The following FAM83G variants were observed in gnomAD, a reference collection of about 807,000 sequenced individuals.
FAM83G encodes scaffolding CK1 anchoring protein G.
FAM83G carries 38 observed loss-of-function variants against 61.5 expected under a neutral mutation model. The ratio of observed to expected loss-of-function variants is 0.62; its 90% confidence interval spans 0.48 to 0.81. The LOEUF (loss-of-function observed/expected upper bound fraction) is 0.81, where lower values mean the gene tolerates loss of function less well. FAM83G is among the 30% of genes least tolerant of loss of function. FAM83G has a pLI of 0.00. For synonymous variants in FAM83G, 470 were observed against 476.1 expected, an observed-to-expected ratio of 0.99 and a Z score of 0.17; for missense variants, 989 against 1,133.6, an observed-to-expected ratio of 0.87 and a Z score of 1.83.
intron 4 of FAM83G, chr17:18,979,338 T>G: frequency 1.6e-6 from 1 of 642,310 alleles, no homozygotes; most frequent in South Asian, 2.1e-5. Context: ...GCCGGTGACA[T>G]CTCCAAGCTG....
chr17:19,003,490 A>T lies in FAM83G; in HGVS notation c.522+30T>A, dbSNP rs769778261. ...GAGGGGTCCGGTGGCTGGTTGGGCC[A>T]TGGCTCCAGGAGTCCCCGCGCTGCC... is the stretch of plus-strand genomic sequence containing the variant. On this transcript the variant is annotated intron_variant, in intron 2 of 5. Coordinates refer to ENST00000388995, the MANE Select transcript of FAM83G (RefSeq NM_001039999.3). The surrounding 1 kb of genome is among the most constrained non-coding windows in gnomAD (Gnocchi z 4.5). The T allele has an allele frequency of 4.7e-6, 7 of 1,505,166 alleles. No homozygotes were observed. The African/African-American group carries it at 9.8e-5, about 21-fold the overall frequency. The allele number at this position is 1,505,166 out of a possible 1,614,324, so 93.2% of individuals were successfully genotyped here. A position where few individuals can be genotyped will look rare whatever the true frequency, so the allele number is the denominator to read the frequency against.
At position 18,978,409 on chromosome 17, in the gene FAM83G, C is replaced by T. The variant is rs759325072; in HGVS notation, c.1257G>A (p.Pro419=). 101 of 1,591,186 alleles carry T rather than the reference C, an allele frequency of 6.3e-5. No homozygotes were observed. Among genetic ancestry groups the T allele is most frequent in the Middle Eastern group, 1.7e-4 (1 of 6,052 alleles). The change falls in exon 5 of 6, where the codon CCG becomes CCA. Residue 419 remains proline, a synonymous_variant. Transcript: ENST00000388995. The stretch of plus-strand genomic sequence containing the variant: ...AGCCCAGGATGTCGCTGCCAGGCTC[C>T]GGGTCTGGCTCCACCCACGTGGGCA... ...EYLPTWVEPD[P]EPGSDILGYI...
intron 3 of FAM83G, among the ~76,000 whole-genome samples, chr17:18,986,778 G>A (rs560310448): frequency 5.9e-5 from 9 of 152,346 alleles, no homozygotes; most frequent in Non-Finnish European, 1.0e-4. Flanking sequence ...GCTGGGCCTG[G>A]GGCAGGGGTA....
chr17:18,998,844 G>A (rs2043640188), intron 2 of FAM83G, among the ~76,000 whole-genome samples: 1 of 152,228 alleles, frequency 6.6e-6, no homozygotes, highest in Non-Finnish European at 1.5e-5. Context: ...GTGGGGAGCT[G>A]TCCTGGCACT....
chr17:18,980,512 A>T (rs537882761), intron 3 of FAM83G, among the ~76,000 whole-genome samples: 1 of 152,232 alleles, frequency 6.6e-6, no homozygotes, highest in East Asian at 1.9e-4. Context: ...CTGGACCCTG[A>T]ACACATAAGG....
At chr17:18,997,041 T>A (rs1400973422) in intron 2 of FAM83G, among the ~76,000 whole-genome samples, 1 of 152,236 alleles carries the variant, frequency 6.6e-6, no homozygotes, top group African/African-American at 2.4e-5. Flanking sequence ...TTGACATTCA[T>A]CAGCTCTGTG....
intron 4 of FAM83G, 135 bp downstream of exon 4, chr17:18,979,414 G>T: frequency 9.4e-7 from 1 of 1,060,528 alleles, no homozygotes. Context: ...GCGGGCAGAT[G>T]TGCTCCAGCC....
At position 18,978,026 on chromosome 17, in the gene FAM83G, G is replaced by A. The variant is rs1216934983; in HGVS notation, c.1640C>T (p.Ala547Val). ...CTGGAGTGGGGCGTGGCCTGGGCCTGCCATCCTGGGTAGCCTATGGTCTGT... is the reference window on the plus strand; with the variant it reads ...CTGGAGTGGGGCGTGGCCTGGGCCTACCATCCTGGGTAGCCTATGGTCTGT... ...NGTDHRLPRM[A>V]GPGHAPLQRQ... Residue 547 changes from alanine (A) to valine (V), a missense_variant, in exon 5 of 6, where the codon GCA becomes GTA. This residue lies in a region of FAM83G where 574 missense variants were observed against 645.1 expected (regional missense o/e 0.89). Transcript: ENST00000388995. 7 of 1,541,052 alleles carry A rather than the reference G, an allele frequency of 4.5e-6. No homozygotes were observed. In the East Asian group the frequency reaches 6.8e-5, roughly 15 times the overall value.
Position 18,971,780 on chromosome 17 carries a change from G to A in FAM83G, c.2083-32C>T. On this transcript the variant is annotated intron_variant, in intron 5 of 5. Coordinates refer to ENST00000388995, the MANE Select transcript of FAM83G (RefSeq NM_001039999.3). The surrounding 1 kb of genome is among the most constrained non-coding windows in gnomAD (Gnocchi z 5.5). ...GAGAGAGAGCAGAGAGTGAGGCTGA[G>A]CAAGAAGGGCCAACCCCGCCCCAGC... 1 of 1,526,736 alleles carries A rather than the reference G, an allele frequency of 6.5e-7. No individual in the cohort carries two copies. Among genetic ancestry groups the A allele is most frequent in the African/African-American group, 1.4e-5 (1 of 72,402 alleles). The allele number at this position is 1,526,736 out of a possible 1,614,324, so 94.6% of individuals were successfully genotyped here.
rs961174224 is a variant in FAM83G, at chr17:18,972,430, G to A, written c.2083-682C>T. 6.4e-4 allele frequency among the ~76,000 whole-genome samples: 97 copies of A among 152,202 alleles called. 1 individual carries two copies. Among genetic ancestry groups the A allele is most frequent in the Non-Finnish European group, 2.9e-5 (2 of 68,034 alleles). On this transcript the variant is annotated intron_variant, in intron 5 of 5. Coordinates refer to ENST00000388995, the MANE Select transcript of FAM83G (RefSeq NM_001039999.3). Reference sequence around the variant, plus strand: ...CGACCAGCTCCATTCATAGGCCAGAGCACTGAGGCCAGAGACAGAGCTGGA... The same window carrying A: ...CGACCAGCTCCATTCATAGGCCAGAACACTGAGGCCAGAGACAGAGCTGGA...
rs765076587 is a variant in FAM83G, at chr17:18,978,410, G to A, written c.1256C>T (p.Pro419Leu). The stretch of plus-strand genomic sequence containing the variant: ...GCCCAGGATGTCGCTGCCAGGCTCC[G>A]GGTCTGGCTCCACCCACGTGGGCAG... ...EYLPTWVEPD[P>L]EPGSDILGYI... The change falls in exon 5 of 6, where the codon CCG becomes CTG. Residue 419 changes from proline to leucine, a missense_variant. Physicochemically the swap from Pro to Leu is moderately conservative, Grantham distance 98 (BLOSUM62 -3). Around this residue, in one of 3 missense-constraint regions of FAM83G, gnomAD observed 574 missense variants for 645.1 expected, o/e 0.89. Transcript: ENST00000388995. 1.0e-5 allele frequency: 16 copies of A among 1,591,486 alleles called. No individual in the cohort carries two copies. The highest frequency in any genetic ancestry group is 1.8e-5 in the Admixed American group (1 of 55,294).
chr17:18,983,941 G>A (rs1321219230), intron 3 of FAM83G, among the ~76,000 whole-genome samples: 2 of 152,218 alleles, frequency 1.3e-5, no homozygotes, highest in Non-Finnish European at 2.9e-5. Context: ...CCCCGGCAGT[G>A]TAGGATGTTT....
Position 18,969,288 on chromosome 17 carries a change from G to C in FAM83G, c.*2071C>G. On this transcript the variant is annotated 3_prime_UTR_variant, in exon 6 of 6. Transcript: ENST00000388995. ...AGGAGCCCCAGAAGTTCCTCCCCGT[G>C]TCCCTCCTCCCTGGGGCCAGGGCCC... 1 of 1,596,238 alleles carries C rather than the reference G, an allele frequency of 6.3e-7. No individual in the cohort carries two copies. The highest frequency in any genetic ancestry group is 8.6e-7 in the Non-Finnish European group (1 of 1,167,920).
chr17:18,981,907 G>C (rs1485121781), intron 3 of FAM83G, among the ~76,000 whole-genome samples: 1 of 152,206 alleles, frequency 6.6e-6, no homozygotes, highest in East Asian at 1.9e-4. Context: ...AAAGATCCTG[G>C]AGGTGGTACG....
Position 19,004,103 on chromosome 17 carries a change from G to C in FAM83G, c.-62C>G. The C allele has an allele frequency of 6.7e-7, 1 of 1,492,154 alleles. No individual in the cohort carries two copies. Among genetic ancestry groups the C allele is most frequent in the Non-Finnish European group, 9.0e-7 (1 of 1,113,964 alleles). The allele number at this position is 1,492,154 out of a possible 1,614,324, so 92.4% of individuals were successfully genotyped here. A position where few individuals can be genotyped will look rare whatever the true frequency, so the allele number is the denominator to read the frequency against. The stretch of plus-strand genomic sequence containing the variant: ...TGGGCAAGGTCCAGCTCCTAGCTCC[G>C]GCCCAGCTGGGGCACCGCGCGCTCG... On this transcript the variant is annotated 5_prime_UTR_variant, in exon 2 of 6. Transcript: ENST00000388995. This position sits in a 1 kb window ranked among gnomAD's most constrained non-coding sequence, Gnocchi z 5.4.
At chr17:18,980,706 C>T (rs916012507) in intron 3 of FAM83G, among the ~76,000 whole-genome samples, 4 of 152,086 alleles carry the variant, frequency 2.6e-5, no homozygotes, top group Admixed American at 6.5e-5. Context: ...ACCCAAGTGT[C>T]GAGGATGGCC....
intron 2 of FAM83G, 115 bp from the exon 3 acceptor site, chr17:18,988,529 G>C (rs183499725): frequency 6.6e-7 from 1 of 1,513,218 alleles, no homozygotes; most frequent in East Asian, 2.3e-5. Flanking sequence ...TGCCCACTCT[G>C]GCCCTACTCC....
At chr17:18,999,411 G>A (rs2152139796) in intron 2 of FAM83G, among the ~76,000 whole-genome samples, 1 of 152,352 alleles carries the variant, frequency 6.6e-6, no homozygotes, top group African/African-American at 2.4e-5. Context: ...GAATGGGAGG[G>A]TGCTCAGGGC....
intron 5 of FAM83G, chr17:18,977,148 G>T: frequency 1.1e-6 from 1 of 951,522 alleles, no homozygotes; most frequent in South Asian, 1.7e-5. Flanking sequence ...CAATCAAAGG[G>T]ATTAACATGG....
Sources: allele counts gnomAD v4.1 joint callset (sites outside exome capture counted in the v4.1 genomes callset), GRCh38; gene constraint gnomAD v4.1.1; regional missense constraint gnomAD v4.1.1; non-coding constraint Gnocchi (gnomAD v3.1); transcripts MANE v1.5; gene names NCBI Gene and HGNC (gene_info 2026-07-23, HGNC 2026-07-21).